SHLD2: variants seen among roughly 807,000 people sequenced by gnomAD.
SHLD2 encodes the protein shieldin complex subunit 2.
Under a neutral mutation model 73.2 loss-of-function variants are expected in SHLD2, and 30 were observed. The observed-to-expected ratio is 0.41, with a 90% CI of 0.31 to 0.56. The LOEUF is 0.56. Ranked by LOEUF, SHLD2 falls within the 20% of genes least tolerant of loss-of-function variation. The pLI, the probability that SHLD2 is intolerant of heterozygous loss-of-function variation, is 0.28. For synonymous variants in SHLD2, 285 were observed against 370.1 expected (o/e 0.77, Z 2.64); for missense variants, 745 against 1,055.9 (o/e 0.71, Z 4.08).
At chr10:87,187,738 G>A (rs1380100676) in intron 9 of SHLD2, among the ~76,000 whole-genome samples, 2 of 152,140 alleles carry the variant, frequency 1.3e-5, no homozygotes, top group Non-Finnish European at 1.5e-5. Context: ...AGTTGGGGGT[G>A]TCTAGTAATT....
At chr10:87,171,895 A>G (rs1847615344) in intron 6 of SHLD2, among the ~76,000 whole-genome samples, 1 of 152,180 alleles carries the variant, frequency 6.6e-6, no homozygotes, top group Non-Finnish European at 1.5e-5. Flanking sequence ...TAGACTAACT[A>G]TGATCATTGA....
intron 3 of SHLD2, among the ~76,000 whole-genome samples, chr10:87,153,435 C>G (rs1173806269): frequency 6.6e-6 from 1 of 152,240 alleles, no homozygotes; most frequent in South Asian, 2.1e-4. Context: ...TAATGCTGTG[C>G]ACATTGTATT....
rs1846083674 is a variant in SHLD2, at chr10:87,152,442, T to C, written c.1088T>C (p.Ile363Thr). Residue 363 changes from isoleucine (I) to threonine (T), a missense_variant, in exon 3 of 10, where the codon ATA becomes ACA. Ile to Thr is a moderately conservative substitution (Grantham distance 89). Coordinates refer to ENST00000298786, the MANE Select transcript of SHLD2 (RefSeq NM_001330112.2). ...EIRIELCSSG[I>T]LCSQLNTFHK... ...CGTATTGAGTTGTGTAGCTCAGGAA[T>C]ACTGTGTTCCCAACTAAATACCTTC... 1.2e-6 allele frequency: 2 copies of C among 1,601,868 alleles called. No individual in the cohort carries two copies. The highest frequency in any genetic ancestry group is 2.3e-4 in the Middle Eastern group (1 of 4,398).
chr10:87,170,334 T>C, intron 4 of SHLD2, 144 bp from the exon 5 acceptor site: 2 of 554,664 alleles, frequency 3.6e-6, no homozygotes, highest in Non-Finnish European at 6.2e-6. Context: ...GACTTAGCTA[T>C]TGTACATGTT....
chr10:87,189,532 A>G (rs1848890382), intron 9 of SHLD2, among the ~76,000 whole-genome samples: 1 of 152,166 alleles, frequency 6.6e-6, no homozygotes, highest in Non-Finnish European at 1.5e-5. Context: ...CAGTGAAAAT[A>G]CAAAATTTAA....
chr10:87,094,611 G>T, upstream of SHLD2: 1 of 1,610,568 alleles, frequency 6.2e-7, no homozygotes. The surrounding 1 kb of genome is among the most constrained non-coding windows in gnomAD (Gnocchi z 6.6). Context: ...CCGCCTCGCT[G>T]TAGTGGCGCC....
intron 2 of SHLD2, among the ~76,000 whole-genome samples, chr10:87,124,092 GAAAT>G (rs1843811976): frequency 6.6e-6 from 1 of 151,874 alleles, no homozygotes; most frequent in Non-Finnish European, 1.5e-5. Flanking sequence ...TATAATGTCT[GAAAT>G]AATGCATGTT....
chr10:87,117,687 T>C (rs1201954283), intron 2 of SHLD2, among the ~76,000 whole-genome samples: 1 of 151,954 alleles, frequency 6.6e-6, no homozygotes, highest in African/African-American at 2.4e-5. Flanking sequence ...CCCAGCTACT[T>C]GAGAGGCTGA....
At chr10:87,189,281 G>C (rs1362821927) in intron 9 of SHLD2, among the ~76,000 whole-genome samples, 1 of 152,218 alleles carries the variant, frequency 6.6e-6, no homozygotes, top group African/African-American at 2.4e-5. Context: ...GATTACAGGC[G>C]TGAGCCACCG....
intron 2 of SHLD2, among the ~76,000 whole-genome samples, chr10:87,129,178 C>T (rs1215976144): frequency 6.6e-6 from 1 of 152,180 alleles, no homozygotes; most frequent in Non-Finnish European, 1.5e-5. Flanking sequence ...GCAACCTCCG[C>T]CTACTGGGTT....
chr10:87,134,398 G>A (rs562903997), intron 2 of SHLD2, among the ~76,000 whole-genome samples: 25 of 152,248 alleles, frequency 1.6e-4, no homozygotes, highest in African/African-American at 6.0e-4. Context: ...ATAGATGAGG[G>A]GAAAGGAGAA....
At chr10:87,099,753 G>A (rs1029053852) in intron 2 of SHLD2, among the ~76,000 whole-genome samples, 51 of 152,212 alleles carry the variant, frequency 3.4e-4, no homozygotes, top group African/African-American at 1.0e-3. Context: ...CTTACCAGCA[G>A]TGAATGAAGG....
chr10:87,147,558 A>T (rs1046618237), intron 2 of SHLD2, among the ~76,000 whole-genome samples: 8 of 152,078 alleles, frequency 5.3e-5, no homozygotes, highest in Non-Finnish European at 8.8e-5. Flanking sequence ...GAGGACACAG[A>T]AGCGGTAAAT....
rs1554827009 is a variant in SHLD2, at chr10:87,107,094, C to CAAAAAAAAA, written c.-6+10111_-6+10119dup. ...GATATTAATCTAAAGCAATAATTGGCAAAAAAAAAAAAAAGAGATTTAAAA... is the reference window on the plus strand; with the variant it reads ...GATATTAATCTAAAGCAATAATTGGCAAAAAAAAAAAAAAAAAAAAAAAGAGATTTAAAA... On this transcript the variant is annotated intron_variant, in intron 2 of 9. Coordinates refer to ENST00000298786, the MANE Select transcript of SHLD2 (RefSeq NM_001330112.2). Among the ~76,000 whole-genome samples, 32 of 110,424 alleles carry CAAAAAAAAA rather than the reference C, an allele frequency of 2.9e-4. 1 individual carries two copies. The highest frequency in any genetic ancestry group is 5.9e-4 in the South Asian group (2 of 3,362). The allele number at this position is 110,424 out of a possible 152,430, so 72.4% of individuals were successfully genotyped here.
intron 7 of SHLD2, among the ~76,000 whole-genome samples, chr10:87,179,044 G>T (rs1848135102): frequency 6.6e-6 from 1 of 152,140 alleles, no homozygotes. Flanking sequence ...AAGGCTTAAG[G>T]CTTAAAGAAG....
rs576860878 is a variant in SHLD2 at position 87,105,296 on chromosome 10, C to T, written c.-6+8307C>T. Among the ~76,000 whole-genome samples the T allele has an allele frequency of 4.5e-4, 69 of 152,256 alleles. No homozygotes were observed. In the South Asian group the frequency reaches 0.014, roughly 32 times the overall value. Reference sequence around the variant, plus strand: ...AAAACAGACATAACTGAAAAATACACCAGAGAAGCAAAAAGTACCTTCTCC... The same window carrying T: ...AAAACAGACATAACTGAAAAATACATCAGAGAAGCAAAAAGTACCTTCTCC... On this transcript the variant is annotated intron_variant, in intron 2 of 9. Transcript: ENST00000298786.
At chr10:87,143,862 CTTTTTTT>C (rs61651864) in intron 2 of SHLD2, among the ~76,000 whole-genome samples, 2 of 104,760 alleles carry the variant, frequency 1.9e-5, no homozygotes, top group Non-Finnish European at 4.0e-5. Context: ...TTTATTCTTT[CTTTTTTT>C]TTTTTTTTTT....
Position 87,190,575 on chromosome 10 carries a change from T to G in SHLD2, c.2607T>G (p.Ile869Met), listed in dbSNP as rs1489592239. The G allele has an allele frequency of 6.2e-7, 1 of 1,611,852 alleles. No individual in the cohort carries two copies. The highest frequency in any genetic ancestry group is 1.3e-5 in the African/African-American group (1 of 74,838). The change falls in exon 10 of 10, where the codon ATT (isoleucine) becomes ATG (methionine). Residue 869 changes from isoleucine (I) to methionine (M), a missense_variant. Ile to Met is a conservative substitution (Grantham distance 10, BLOSUM62 1). This residue lies in a region of SHLD2 where 418 missense variants were observed against 567.8 expected (regional missense o/e 0.74). Coordinates refer to ENST00000298786, the MANE Select transcript of SHLD2 (RefSeq NM_001330112.2). ...GCGCAGAACCTTGTGTATTAAAGAT[T>G]CAGAGCCTTTTTGTGTTAGATGAAA... ...AVSAEPCVLK[I>M]QSLFVLDENS...
chr10:87,138,637 C>G (rs905063133), intron 2 of SHLD2, among the ~76,000 whole-genome samples: 1 of 152,192 alleles, frequency 6.6e-6, no homozygotes, highest in African/African-American at 2.4e-5. Flanking sequence ...TGAAAGGAGA[C>G]TGTAGTAACT....
Sources: allele counts gnomAD v4.1 joint callset (sites outside exome capture counted in the v4.1 genomes callset), GRCh38; gene constraint gnomAD v4.1.1; regional missense constraint gnomAD v4.1.1; non-coding constraint Gnocchi (gnomAD v3.1); transcripts MANE v1.5; gene names NCBI Gene and HGNC (gene_info 2026-07-23, HGNC 2026-07-21).